The following KALRN variants were observed in gnomAD, a reference collection of about 807,000 sequenced individuals.
KALRN encodes kalirin.
Under a neutral mutation model 353.7 loss-of-function variants are expected in KALRN, and 70 were observed. The ratio of observed to expected loss-of-function variants is 0.20; its 90% CI spans 0.16 to 0.24. KALRN has a LOEUF of 0.24. Among genes scored for constraint, KALRN ranks in the 10% least tolerant of loss-of-function variants. The probability of loss-of-function intolerance (pLI) is 1.00; values close to 1 mark genes in which losing one functional copy is unlikely to be tolerated. For missense variants in KALRN, 2,791 were observed against 3,756.7 expected, an observed-to-expected ratio of 0.74 and a Z score of 6.72; for synonymous variants, 1,391 against 1,434.8, an observed-to-expected ratio of 0.97 and a Z score of 0.69.
chr3:124,171,169 T>G (rs2071764800), intron 1 of KALRN, among the ~76,000 whole-genome samples: 1 of 152,116 alleles, frequency 6.6e-6, no homozygotes, highest in South Asian at 2.1e-4. Flanking sequence ...GGAGTAATGC[T>G]ATGTAAGGAT....
intron 56 of KALRN, among the ~76,000 whole-genome samples, chr3:124,701,002 A>G (rs1398553922): frequency 1.3e-5 from 2 of 152,220 alleles, no homozygotes; most frequent in Non-Finnish European, 2.9e-5. Flanking sequence ...AGCCGCCTTC[A>G]GTCTCAGCCA....
At chr3:124,418,650 T>C (rs896277755) in intron 14 of KALRN, among the ~76,000 whole-genome samples, 6 of 152,238 alleles carry the variant, frequency 3.9e-5, no homozygotes, top group African/African-American at 1.4e-4. Context: ...GTCACCTCTC[T>C]CCTTGAGGAA....
rs1241064404 is a variant in KALRN at position 124,720,573 on chromosome 3, G to C, written c.*1103G>C. 2 of 152,582 alleles carry C rather than the reference G, an allele frequency of 1.3e-5. No individual in the cohort carries two copies. The highest frequency in any genetic ancestry group is 3.8e-4 in the East Asian group (2 of 5,198). 9.5% of individuals were successfully genotyped at this position (152,582 alleles called of 1,614,324 possible). On this transcript the variant is annotated 3_prime_UTR_variant, in exon 60 of 60. Coordinates refer to ENST00000682506, the MANE Select transcript of KALRN (RefSeq NM_001388419.1). ...AGCCATATAGGCCTTTTAAAGGCCTGGTTCTAAGTCCTTTTTAAAGCCATG... is the reference window on the plus strand; with the variant it reads ...AGCCATATAGGCCTTTTAAAGGCCTCGTTCTAAGTCCTTTTTAAAGCCATG...
At chr3:124,303,960 G>A (rs2077467380) in intron 6 of KALRN, among the ~76,000 whole-genome samples, 1 of 152,084 alleles carries the variant, frequency 6.6e-6, no homozygotes, top group African/African-American at 2.4e-5. Context: ...TCTGAGGCAG[G>A]CAGGTGGTCT....
chr3:124,238,392 C>CT (rs2080049808), intron 3 of KALRN, among the ~76,000 whole-genome samples: 1 of 152,200 alleles, frequency 6.6e-6, no homozygotes, highest in African/African-American at 2.4e-5. Flanking sequence ...GCTGCTGCCT[C>CT]TGGAGAAAGT....
chr3:124,193,805 G>A (rs1323291333), intron 1 of KALRN, among the ~76,000 whole-genome samples: 1 of 151,818 alleles, frequency 6.6e-6, no homozygotes, highest in Non-Finnish European at 1.5e-5. Flanking sequence ...ATTTTACATA[G>A]TTTGAGCTCA....
intron 3 of KALRN, among the ~76,000 whole-genome samples, chr3:124,250,420 T>C (rs2070972148): frequency 6.6e-6 from 1 of 152,160 alleles, no homozygotes; most frequent in Non-Finnish European, 1.5e-5. Flanking sequence ...CTCTGTCTCC[T>C]GGACAGGTCG....
intron 33 of KALRN, among the ~76,000 whole-genome samples, chr3:124,516,748 G>GA (rs1441745604): frequency 3.3e-5 from 5 of 150,224 alleles, no homozygotes; most frequent in African/African-American, 9.7e-5. Flanking sequence ...ATTACACACA[G>GA]AAAAAATGTG....
At chr3:124,147,386 T>C (rs1421380315) in intron 1 of KALRN, among the ~76,000 whole-genome samples, 2 of 152,176 alleles carry the variant, frequency 1.3e-5, no homozygotes, top group Non-Finnish European at 2.9e-5. Flanking sequence ...TGGACTTTTA[T>C]CTGACAGTTC....
chr3:124,635,887 T>A (rs1444508090), intron 36 of KALRN, among the ~76,000 whole-genome samples: 2 of 152,174 alleles, frequency 1.3e-5, no homozygotes, highest in Non-Finnish European at 2.9e-5. Flanking sequence ...GTTGGGGACA[T>A]CCTAACAGGG....
chr3:124,412,634 T>C (rs768629628), intron 13 of KALRN, among the ~76,000 whole-genome samples: 4 of 152,214 alleles, frequency 2.6e-5, no homozygotes, highest in Admixed American at 6.5e-5. Context: ...AGTGAAGTCA[T>C]GTGAGTTAAG....
At chr3:124,112,453 A>T (rs1303437277) in intron 1 of KALRN, among the ~76,000 whole-genome samples, 2 of 152,122 alleles carry the variant, frequency 1.3e-5, no homozygotes, top group Admixed American at 1.3e-4. Context: ...AGGTACAAAG[A>T]TGATCTTTTC....
chr3:124,461,885 TC>T lies in KALRN; in HGVS notation c.3855-4del, dbSNP rs1172175111. ...CCAAGTAAAAGCCCATTTGTTTCCTTCTAGATTTATTATGGCTGAACTACTC... is the reference window on the plus strand; with the variant it reads ...CCAAGTAAAAGCCCATTTGTTTCCTTTAGATTTATTATGGCTGAACTACTC... On this transcript the variant is annotated splice_region_variant and splice_polypyrimidine_tract_variant and intron_variant, in intron 23 of 59. Transcript: ENST00000682506. 6.2e-7 allele frequency: 1 copy of T among 1,611,236 alleles called. No homozygotes were observed. Among genetic ancestry groups the T allele is most frequent in the East Asian group, 2.2e-5 (1 of 44,842 alleles).
chr3:124,310,428 G>C (rs1242799589), intron 6 of KALRN, among the ~76,000 whole-genome samples: 1 of 152,132 alleles, frequency 6.6e-6, no homozygotes, highest in African/African-American at 2.4e-5. Context: ...TAAAATTCAT[G>C]TGGAATTTTA....
intron 6 of KALRN, among the ~76,000 whole-genome samples, chr3:124,315,887 A>C (rs2078754597): frequency 6.6e-6 from 1 of 152,072 alleles, no homozygotes; most frequent in African/African-American, 2.4e-5. Flanking sequence ...CACAAATATG[A>C]AGTGTCGATA....
At chr3:124,238,643 G>A (rs1020862596) in intron 3 of KALRN, among the ~76,000 whole-genome samples, 6 of 152,268 alleles carry the variant, frequency 3.9e-5, no homozygotes, top group African/African-American at 1.2e-4. Flanking sequence ...AGTAAGTTAA[G>A]GTCTGGGATT....
At chr3:124,225,873 T>C (rs955515837) in intron 1 of KALRN, among the ~76,000 whole-genome samples, 8 of 152,238 alleles carry the variant, frequency 5.3e-5, no homozygotes, top group Non-Finnish European at 8.8e-5. Flanking sequence ...AAGAGAGTTA[T>C]GTGGACTCTT....
chr3:124,537,726 C>A (rs1294299705), intron 33 of KALRN, among the ~76,000 whole-genome samples: 1 of 152,164 alleles, frequency 6.6e-6, no homozygotes, highest in African/African-American at 2.4e-5. Context: ...ATTTGGCGTG[C>A]AGGATCTGTC....
At chr3:124,107,528 C>T (rs912746017) in intron 1 of KALRN, among the ~76,000 whole-genome samples, 1 of 152,196 alleles carries the variant, frequency 6.6e-6, no homozygotes, top group Non-Finnish European at 1.5e-5. Flanking sequence ...CCCCCTAGAG[C>T]TTCTTTTCTA....
Sources: gnomAD v4.1 joint callset for allele counts (sites outside exome capture counted in the v4.1 genomes callset) on GRCh38, gnomAD v4.1.1 for gene constraint, MANE v1.5 for transcripts, NCBI Gene and HGNC (gene_info 2026-07-23, HGNC 2026-07-21) for gene names.